CLDN14: variants seen among roughly 807,000 people sequenced by gnomAD.
CLDN14 encodes claudin-14.
CLDN14 carries 2 observed loss-of-function variants against 2.1 expected under a neutral mutation model. The observed-to-expected ratio is 0.96, with a 90% confidence interval of 0.39 to 3.01. The LOEUF is 3.01. CLDN14 is among the 30% of genes most tolerant of loss of function. The pLI is 0.09. For missense variants in CLDN14, 298 were observed against 328.0 expected (o/e 0.91, Z 0.71); for synonymous variants, 136 against 154.4 (o/e 0.88, Z 0.88).
intron 1 of CLDN14, among the ~76,000 whole-genome samples, chr21:36,556,592 T>C (rs551595308): frequency 6.6e-6 from 1 of 152,318 alleles, no homozygotes; most frequent in Admixed American, 6.5e-5. Context: ...GCATCCTCAG[T>C]GGGAGGCTGG....
At position 36,505,126 on chromosome 21, in the gene CLDN14, A is replaced by C. The variant is rs370280552; in HGVS notation, c.-82+5237T>G. 2.7e-4 allele frequency among the ~76,000 whole-genome samples: 41 copies of C among 152,338 alleles called. No homozygotes were observed. The East Asian group carries it at 3.9e-3, about 14-fold the overall frequency. On this transcript the variant is annotated intron_variant, in intron 2 of 2. Transcript: ENST00000342108. ...GCTGCTCAAATTCTTACCAATCTCC[A>C]CTATATGAGAACAGAAATGGACAGT...
chr21:36,488,895 G>A (rs2086928462), intron 2 of CLDN14, among the ~76,000 whole-genome samples: 3 of 151,876 alleles, frequency 2.0e-5, no homozygotes. Flanking sequence ...TTGGGAGGCT[G>A]AGGTGGGCAG....
chr21:36,573,769 A>G (rs1228463162), intron 1 of CLDN14, among the ~76,000 whole-genome samples: 3 of 152,196 alleles, frequency 2.0e-5, no homozygotes, highest in Non-Finnish European at 4.4e-5. Context: ...TCTATATGCC[A>G]GTAACAAACA....
upstream of CLDN14, among the ~76,000 whole-genome samples, chr21:36,482,351 T>TA (rs1243126017): frequency 6.4e-3 from 947 of 147,498 alleles, 13 homozygotes; most frequent in African/African-American, 0.022. Context: ...GATGGATGGA[T>TA]GGATGGATGG....
intron 1 of CLDN14, among the ~76,000 whole-genome samples, chr21:36,517,268 T>C (rs778295357): frequency 7.2e-5 from 11 of 152,274 alleles, no homozygotes; most frequent in Admixed American, 1.3e-4. Flanking sequence ...CATTCGTTTG[T>C]GTACTCTCTC....
Position 36,460,896 on chromosome 21 carries a change from G to A in CLDN14, c.*80C>T, listed in dbSNP as rs1368274112. 2.0e-6 allele frequency: 3 copies of A among 1,520,212 alleles called. No homozygotes were observed. The highest frequency in any genetic ancestry group is 2.7e-6 in the Non-Finnish European group (3 of 1,117,858). 94.2% of individuals were successfully genotyped at this position (1,520,212 alleles called of 1,614,324 possible). A position where few individuals can be genotyped will look rare whatever the true frequency, so the allele number is the denominator to read the frequency against. On this transcript the variant is annotated 3_prime_UTR_variant, in exon 2 of 2. Transcript: ENST00000399135. This position sits in a 1 kb window ranked among gnomAD's most constrained non-coding sequence, Gnocchi z 4.0. ...AAAATTGCCCAGAAGTAAACTTTGTGCTGGAACCCCTGCCTCCATTGACAG... is the reference window on the plus strand; with the variant it reads ...AAAATTGCCCAGAAGTAAACTTTGTACTGGAACCCCTGCCTCCATTGACAG...
intron 1 of CLDN14, among the ~76,000 whole-genome samples, chr21:36,475,803 A>G (rs2850108): frequency 0.82 from 123,944 of 151,930 alleles, 50,644 homozygotes; most frequent in Non-Finnish European, 0.82. Flanking sequence ...AGGCTGGAGC[A>G]CAGTAGGATT....
chr21:36,482,222 G>C (rs1227120110), upstream of CLDN14, among the ~76,000 whole-genome samples: 1 of 152,234 alleles, frequency 6.6e-6, no homozygotes, highest in African/African-American at 2.4e-5. Context: ...ATTTGGAAGA[G>C]GAAGGTCTTG....
At chr21:36,548,454 G>C (rs2087539712) in intron 1 of CLDN14, among the ~76,000 whole-genome samples, 1 of 152,210 alleles carries the variant, frequency 6.6e-6, no homozygotes, top group African/African-American at 2.4e-5. Context: ...CCCCGCCCCA[G>C]AGGCAGGCAT....
rs117977562 is a variant in CLDN14 at position 36,475,086 on chromosome 21, C to T, written c.-82+4409G>A. 7.1e-4 allele frequency among the ~76,000 whole-genome samples: 108 copies of T among 152,190 alleles called. No homozygotes were observed. In the East Asian group the frequency reaches 0.018, roughly 26 times the overall value. On this transcript the variant is annotated intron_variant, in intron 1 of 1. Coordinates refer to ENST00000399135, the MANE Select transcript of CLDN14 (RefSeq NM_001146079.2). ...CAAGGGGTCAAGTGCTAGTCAGTGC[C>T]GGGTGCAGGTGGGGCAAGTGGTCCT... is the stretch of plus-strand genomic sequence containing the variant.
At position 36,498,421 on chromosome 21, in the gene CLDN14, C is replaced by T. The variant is rs764717830; in HGVS notation, c.-82+11942G>A. On this transcript the variant is annotated intron_variant, in intron 2 of 2. Transcript: ENST00000342108. This position sits in a 1 kb window ranked among gnomAD's most constrained non-coding sequence, Gnocchi z 4.9. Reference sequence around the variant, plus strand: ...AAGATCTATATGAACTTGTATTTTACATCTCTTGTCTGGATTTAGCTGTGA... The same window carrying T: ...AAGATCTATATGAACTTGTATTTTATATCTCTTGTCTGGATTTAGCTGTGA... Among the ~76,000 whole-genome samples, 20 of 152,194 alleles carry T rather than the reference C, an allele frequency of 1.3e-4. No individual in the cohort carries two copies. Among genetic ancestry groups the T allele is most frequent in the Non-Finnish European group, 2.4e-4 (16 of 68,036 alleles).
intron 1 of CLDN14, among the ~76,000 whole-genome samples, chr21:36,476,826 G>C (rs186376799): frequency 3.1e-4 from 48 of 152,388 alleles, no homozygotes; most frequent in African/African-American, 1.1e-3. Flanking sequence ...GAGAATGATT[G>C]GGTGAGTCTT....
intron 2 of CLDN14, among the ~76,000 whole-genome samples, chr21:36,507,364 A>T (rs1163724703): frequency 6.6e-6 from 1 of 152,176 alleles, no homozygotes; most frequent in Admixed American, 6.5e-5. Context: ...GCTTCCAGGG[A>T]TTGTGGCCAT....
intron 1 of CLDN14, among the ~76,000 whole-genome samples, chr21:36,470,126 C>T (rs535230531): frequency 1.3e-5 from 2 of 152,224 alleles, no homozygotes; most frequent in Non-Finnish European, 2.9e-5. Context: ...TGTTGGATGA[C>T]TTATGGTTAA....
chr21:36,569,080 CA>C, intron 1 of CLDN14, among the ~76,000 whole-genome samples: 1 of 152,298 alleles, frequency 6.6e-6, no homozygotes, highest in Middle Eastern at 3.4e-3. Flanking sequence ...TATTTTATTT[CA>C]AAACCCCCAG....
chr21:36,506,967 T>TA lies in CLDN14; in HGVS notation c.-82+3395dup, dbSNP rs576157662. On this transcript the variant is annotated intron_variant, in intron 2 of 2. Coordinates refer to the CLDN14 transcript ENST00000342108. ...GACCCTGTCTCTAAAAAAATGAAAA[T>TA]AAAAAATTACCTGAGCATGGTGGTG... Among the ~76,000 whole-genome samples the TA allele has an allele frequency of 1.4e-4, 21 of 150,846 alleles. 1 individual carries two copies. The East Asian group carries it at 4.1e-3, about 30-fold the overall frequency.
chr21:36,545,870 T>C (rs997683997), intron 1 of CLDN14, among the ~76,000 whole-genome samples: 2 of 152,252 alleles, frequency 1.3e-5, no homozygotes, highest in Admixed American at 1.3e-4. Context: ...CCAGGAGATG[T>C]CTGCCCAGGC....
At chr21:36,473,882 T>C (rs1383557731) in intron 1 of CLDN14, among the ~76,000 whole-genome samples, 1 of 152,170 alleles carries the variant, frequency 6.6e-6, no homozygotes, top group African/African-American at 2.4e-5. Flanking sequence ...GAGCTCCATG[T>C]TGGAGAGAGC....
chr21:36,474,157 A>C (rs1250985719), intron 1 of CLDN14, among the ~76,000 whole-genome samples: 1 of 152,214 alleles, frequency 6.6e-6, no homozygotes, highest in Non-Finnish European at 1.5e-5. Context: ...CATAGACCTC[A>C]GGATATCTGT....
Sources: allele counts gnomAD v4.1 joint callset (sites outside exome capture counted in the v4.1 genomes callset), GRCh38; gene constraint gnomAD v4.1.1; non-coding constraint Gnocchi (gnomAD v3.1); transcripts MANE v1.5; gene names NCBI Gene and HGNC (gene_info 2026-07-23, HGNC 2026-07-21).